GAN: variants seen among roughly 807,000 people sequenced by gnomAD.
The protein encoded by GAN is epididymis secretory sperm binding protein.
Under a neutral mutation model 71.3 loss-of-function variants are expected in GAN, and 48 were observed. The observed-to-expected ratio is 0.67, with a 90% confidence interval of 0.53 to 0.86. GAN has a LOEUF of 0.86. Among genes scored for constraint, GAN ranks in the 40% least tolerant of loss-of-function variants. GAN has a pLI of 0.00. For synonymous variants in GAN, 386 were observed against 276.8 expected (o/e 1.39, Z -3.92); for missense variants, 928 against 770.1 (o/e 1.21, Z -2.43).
At chr16:81,353,605 A>T (rs1266672848) in intron 2 of GAN, among the ~76,000 whole-genome samples, 1 of 152,166 alleles carries the variant, frequency 6.6e-6, no homozygotes, top group Non-Finnish European at 1.5e-5. Context: ...ACTCCTCATG[A>T]AGTCTCCCTT....
intron 1 of GAN, among the ~76,000 whole-genome samples, chr16:81,316,207 G>A (rs79312304): frequency 0.13 from 19,972 of 152,040 alleles, 1,366 homozygotes; most frequent in Admixed American, 0.16. Flanking sequence ...AAGGAAAGGG[G>A]GGAATGCTAA....
chr16:81,354,028 G>T (rs185661463), intron 2 of GAN, among the ~76,000 whole-genome samples: 1 of 152,104 alleles, frequency 6.6e-6, no homozygotes, highest in South Asian at 2.1e-4. Flanking sequence ...TCTGATGCTG[G>T]TACTTAATCA....
chr16:81,369,108 C>T (rs1910955118), intron 9 of GAN, among the ~76,000 whole-genome samples: 1 of 152,150 alleles, frequency 6.6e-6, no homozygotes, highest in South Asian at 2.1e-4. Context: ...TAATTTTTTA[C>T]AGTATATAAG....
Position 81,383,071 on chromosome 16 carries a change from T to A in GAN, c.*5475T>A, listed in dbSNP as rs1400091453. On this transcript the variant is annotated 3_prime_UTR_variant, in exon 11 of 11. Coordinates refer to ENST00000648994, the MANE Select transcript of GAN (RefSeq NM_022041.4). ...TCAGATGTGGAGACCCAGCTGGGAC[T>A]ACAGGCATGAGCCACCACGCTCCGT... The A allele has an allele frequency of 6.6e-6, 1 of 152,130 alleles. No homozygotes were observed. Among genetic ancestry groups the A allele is most frequent in the Admixed American group, 6.6e-5 (1 of 15,264 alleles). The allele number at this position is 152,130 out of a possible 1,614,324, so 9.4% of individuals were successfully genotyped here.
chr16:81,364,022 A>C (rs1910765909), intron 7 of GAN, 79 bp downstream of exon 7: 1 of 1,058,338 alleles, frequency 9.4e-7, no homozygotes, highest in African/African-American at 1.6e-5. Flanking sequence ...TCCTGAATAA[A>C]CCTTTAATAT....
intron 1 of GAN, among the ~76,000 whole-genome samples, chr16:81,341,338 G>T (rs1050093146): frequency 2.0e-5 from 3 of 151,668 alleles, no homozygotes; most frequent in Non-Finnish European, 4.4e-5. Context: ...AAGACACATA[G>T]ATTCACCAAG....
rs1454196661 is a variant in GAN at position 81,389,611 on chromosome 16, C to T, written c.*12015C>T. On this transcript the variant is annotated 3_prime_UTR_variant, in exon 11 of 11. Transcript: ENST00000648994. ...TGTCTGTACCTATCTGTGAGTGAGACCCATTCATGACACACTAGAAATGTG... is the reference window on the plus strand; with the variant it reads ...TGTCTGTACCTATCTGTGAGTGAGATCCATTCATGACACACTAGAAATGTG... 6.6e-6 allele frequency: 1 copy of T among 152,322 alleles called. No individual in the cohort carries two copies. The highest frequency in any genetic ancestry group is 3.4e-3 in the Middle Eastern group (1 of 292). 9.4% of individuals were successfully genotyped at this position (152,322 alleles called of 1,614,324 possible). A position where few individuals can be genotyped will look rare whatever the true frequency, so the allele number is the denominator to read the frequency against.
intron 1 of GAN, among the ~76,000 whole-genome samples, chr16:81,347,360 A>G (rs940211995): frequency 6.6e-6 from 1 of 152,202 alleles, no homozygotes; most frequent in South Asian, 2.1e-4. Context: ...ATTTGATGTT[A>G]AAGATGTACA....
intron 1 of GAN, among the ~76,000 whole-genome samples, chr16:81,324,078 G>A (rs187372982): frequency 5.9e-5 from 9 of 152,286 alleles, no homozygotes; most frequent in Non-Finnish European, 1.3e-4. Flanking sequence ...GTTTATCAGA[G>A]TAGAAACTTC....
intron 1 of GAN, among the ~76,000 whole-genome samples, chr16:81,326,031 C>G (rs1222867566): frequency 6.6e-6 from 1 of 152,094 alleles, no homozygotes; most frequent in Admixed American, 6.5e-5. Flanking sequence ...AAGATTTTTC[C>G]AACTCTGCCA....
At chr16:81,354,816 AGTT>A (rs1910432741) in intron 3 of GAN, 61 bp downstream of exon 3, 1 of 973,304 alleles carries the variant, frequency 1.0e-6, no homozygotes, top group Non-Finnish European at 1.6e-6. Flanking sequence ...TTCAAATTTT[AGTT>A]GTTTTATTTT....
intron 1 of GAN, among the ~76,000 whole-genome samples, chr16:81,343,085 T>G (rs1003603563): frequency 6.6e-6 from 1 of 152,160 alleles, no homozygotes; most frequent in African/African-American, 2.4e-5. Context: ...CAGGAAGAAG[T>G]TGAATCTCTG....
rs146225590 is a variant in GAN, at chr16:81,334,005, A to C, written c.168-17578A>C. On this transcript the variant is annotated intron_variant, in intron 1 of 10. Coordinates refer to ENST00000648994, the MANE Select transcript of GAN (RefSeq NM_022041.4). ...CCTTCCCGTTTCATTTGTAATTCACACTTGCCATGTTCTCTTTTCAGAAAA... is the reference window on the plus strand; with the variant it reads ...CCTTCCCGTTTCATTTGTAATTCACCCTTGCCATGTTCTCTTTTCAGAAAA... Among the ~76,000 whole-genome samples, 333 of 152,288 alleles carry C rather than the reference A, an allele frequency of 2.2e-3. 1 individual carries two copies. The highest frequency in any genetic ancestry group is 7.7e-3 in the African/African-American group (318 of 41,554).
rs1048433354 is a variant in GAN, at chr16:81,386,384, A to C, written c.*8788A>C. 1 of 152,212 alleles carries C rather than the reference A, an allele frequency of 6.6e-6. No homozygotes were observed. The highest frequency in any genetic ancestry group is 2.4e-5 in the African/African-American group (1 of 41,470). 9.4% of individuals were successfully genotyped at this position (152,212 alleles called of 1,614,324 possible). ...TGGATGTTACATGAAACTTAAAAACAAACAAATATGTGTTACAAGTACTTG... is the reference window on the plus strand; with the variant it reads ...TGGATGTTACATGAAACTTAAAAACCAACAAATATGTGTTACAAGTACTTG... On this transcript the variant is annotated 3_prime_UTR_variant, in exon 11 of 11. Transcript: ENST00000648994.
intron 5 of GAN, among the ~76,000 whole-genome samples, chr16:81,360,616 G>A (rs911657680): frequency 6.6e-6 from 1 of 150,544 alleles, no homozygotes; most frequent in African/African-American, 2.4e-5. Context: ...TCTTTTTACA[G>A]GAGAATAACT....
chr16:81,370,281 T>G (rs1000451511), intron 9 of GAN, among the ~76,000 whole-genome samples: 2 of 152,242 alleles, frequency 1.3e-5, no homozygotes, highest in Non-Finnish European at 2.9e-5. Context: ...ACAGGTACTT[T>G]CAGATGCCTT....
In GAN at chr16:81,379,193, G is replaced by A. The variant is rs774915713; in HGVS notation, c.*1597G>A. 1.3e-5 allele frequency: 2 copies of A among 152,148 alleles called. No homozygotes were observed. Among genetic ancestry groups the A allele is most frequent in the Non-Finnish European group, 2.9e-5 (2 of 68,022 alleles). 9.4% of individuals were successfully genotyped at this position (152,148 alleles called of 1,614,324 possible). ...GTTTATATGCAATTAACATGCATAT[G>A]AAAAACATCACTTACGTTCTCCCAC... On this transcript the variant is annotated 3_prime_UTR_variant, in exon 11 of 11. Transcript: ENST00000648994.
At chr16:81,329,287 T>C (rs1413347142) in intron 1 of GAN, among the ~76,000 whole-genome samples, 1 of 152,050 alleles carries the variant, frequency 6.6e-6, no homozygotes, top group African/African-American at 2.4e-5. Context: ...AACGCATCTG[T>C]TAAAAGCAAG....
chr16:81,315,724 C>T (rs574972544), intron 1 of GAN, among the ~76,000 whole-genome samples: 116 of 152,336 alleles, frequency 7.6e-4, no homozygotes, highest in Admixed American at 2.9e-3. Flanking sequence ...CGCTGAAGTT[C>T]GCCAGTCGCT....
Sources: allele counts gnomAD v4.1 joint callset (sites outside exome capture counted in the v4.1 genomes callset), GRCh38; gene constraint gnomAD v4.1.1; transcripts MANE v1.5; gene names NCBI Gene and HGNC (gene_info 2026-07-23, HGNC 2026-07-21).